LRTM2: variants seen among roughly 807,000 people sequenced by gnomAD.
The protein encoded by LRTM2 is leucine rich repeat transmembrane protein 2, also known as leucine-rich repeat and transmembrane domain-containing protein 2.
A neutral mutation model predicts 28.1 loss-of-function variants in LRTM2; 18 were observed. The observed-to-expected ratio is 0.64, with a 90% CI of 0.44 to 0.95. The LOEUF (loss-of-function observed/expected upper bound fraction) is 0.95, where lower values mean the gene tolerates loss of function less well. LRTM2 is among the 40% of genes least tolerant of loss of function. LRTM2 has a pLI of 0.00. For synonymous variants in LRTM2, 250 were observed against 218.7 expected (o/e 1.14, Z -1.26); for missense variants, 436 against 497.2 (o/e 0.88, Z 1.17).
At position 1,834,305 on chromosome 12, in the gene LRTM2, G is replaced by A; in HGVS notation, c.697G>A (p.Glu233Lys). 1.2e-6 allele frequency: 2 copies of A among 1,604,986 alleles called. No homozygotes were observed. The highest frequency in any genetic ancestry group is 1.7e-6 in the Non-Finnish European group (2 of 1,174,912). The change falls in exon 5 of 5, where the codon GAG becomes AAG. Residue 233 changes from glutamate to lysine, a missense_variant. Transcript: ENST00000299194. The surrounding 1 kb of genome is among the most constrained non-coding windows in gnomAD (Gnocchi z 7.6). ...LDQLACTLPK[E>K]LRGKDMRMVP... is the part of the protein sequence containing the mutation. The stretch of plus-strand genomic sequence containing the variant: ...CCAGCTTGCCTGCACCCTGCCCAAG[G>A]AGCTGAGGGGGAAGGACATGCGGAT...
At chr12:1,825,526 T>G (rs1864277738) in intron 1 of LRTM2, among the ~76,000 whole-genome samples, 1 of 152,214 alleles carries the variant, frequency 6.6e-6, no homozygotes, top group South Asian at 2.1e-4. Flanking sequence ...ATTTGGGAAC[T>G]TAGAGGCATC....
chr12:1,822,717 T>A (rs924495996), intron 1 of LRTM2, among the ~76,000 whole-genome samples: 2 of 152,226 alleles, frequency 1.3e-5, no homozygotes, highest in Admixed American at 1.3e-4. Context: ...TAGAGATTTT[T>A]AAAACCTGGT....
chr12:1,831,124 G>T lies in LRTM2; in HGVS notation c.257G>T (p.Trp86Leu), dbSNP rs1186725182. The T allele has an allele frequency of 6.2e-7, 1 of 1,613,972 alleles. No individual in the cohort carries two copies. The highest frequency in any genetic ancestry group is 1.1e-5 in the South Asian group (1 of 91,088). The stretch of plus-strand genomic sequence containing the variant: ...AATAAGCTGAGTGCCCTGCCAAGCT[G>T]GGCTTTCGCCAACCTCTCCAGCCTG... ...LNNKLSALPS[W>L]AFANLSSLQR... The change falls in exon 4 of 5, where the codon TGG becomes TTG. Residue 86 changes from tryptophan to leucine, a missense_variant. Transcript: ENST00000299194.
chr12:1,829,665 C>T lies in LRTM2; in HGVS notation c.68-1270C>T, dbSNP rs1393744457. Among the ~76,000 whole-genome samples, 1 of 150,786 alleles carries T rather than the reference C, an allele frequency of 6.6e-6. No individual in the cohort carries two copies. The highest frequency in any genetic ancestry group is 2.0e-4 in the East Asian group (1 of 5,042). The stretch of plus-strand genomic sequence containing the variant: ...GACCCCTACTGGACAAGACTCAAGG[C>T]TGTTCAGACCCAGCTCACAGCCCAT... On this transcript the variant is annotated intron_variant, in intron 3 of 4. Coordinates refer to ENST00000299194, the MANE Select transcript of LRTM2 (RefSeq NM_001039029.3). This position sits in a 1 kb window ranked among gnomAD's most constrained non-coding sequence, Gnocchi z 4.2.
chr12:1,823,385 C>T (rs1400875461), intron 1 of LRTM2: 1 of 152,228 alleles, frequency 6.6e-6, no homozygotes, highest in Non-Finnish European at 1.5e-5. Context: ...CTCCTGCCGT[C>T]CCAACCTAGC....
Position 1,835,310 on chromosome 12 carries a change from A to G in LRTM2, c.*589A>G, listed in dbSNP as rs1477136336. The G allele has an allele frequency of 1.3e-5, 2 of 153,470 alleles. No individual in the cohort carries two copies. The highest frequency in any genetic ancestry group is 2.9e-5 in the Non-Finnish European group (2 of 68,986). The allele number at this position is 153,470 out of a possible 1,614,324, so 9.5% of individuals were successfully genotyped here. A position where few individuals can be genotyped will look rare whatever the true frequency, so the allele number is the denominator to read the frequency against. ...ACACCATACACCCCTGGCCGACGCC[A>G]TCATGCCCCTGGATCTGCTATAGGC... is the stretch of plus-strand genomic sequence containing the variant. On this transcript the variant is annotated 3_prime_UTR_variant, in exon 5 of 5. Transcript: ENST00000299194.
At chr12:1,823,157 G>A (rs1426384255) in intron 1 of LRTM2, 1 of 152,604 alleles carries the variant, frequency 6.6e-6, no homozygotes, top group African/African-American at 2.4e-5. Flanking sequence ...TGGCCCAGGA[G>A]TCAGGAATTC....
At chr12:1,831,569 T>C in intron 4 of LRTM2, 44 bp downstream of exon 4, 1 of 1,511,874 alleles carries the variant, frequency 6.6e-7, no homozygotes, top group Non-Finnish European at 9.1e-7. Flanking sequence ...ATTGGGACGA[T>C]CACCTCTGGC....
intron 1 of LRTM2, among the ~76,000 whole-genome samples, chr12:1,825,322 G>A (rs1370489845): frequency 6.6e-6 from 1 of 152,214 alleles, no homozygotes; most frequent in Non-Finnish European, 1.5e-5. Context: ...AGCTTGGGTG[G>A]GAGGGCTTCT....
Position 1,828,241 on chromosome 12 carries a change from G to T in LRTM2, c.67+26G>T. The stretch of plus-strand genomic sequence containing the variant: ...GTGAGTACACCCCTGGCCTCGGAGG[G>T]GGGTGCGGGTTGGGTGGGGGTGCCG... On this transcript the variant is annotated intron_variant, in intron 3 of 4. Transcript: ENST00000299194. The surrounding 1 kb of genome is among the most constrained non-coding windows in gnomAD (Gnocchi z 4.2). 3.3e-6 allele frequency: 5 copies of T among 1,531,368 alleles called. No individual in the cohort carries two copies. The South Asian group carries it at 3.7e-5, about 11-fold the overall frequency. The allele number at this position is 1,531,368 out of a possible 1,614,324, so 94.9% of individuals were successfully genotyped here.
chr12:1,824,345 C>T (rs375425431), intron 1 of LRTM2, among the ~76,000 whole-genome samples: 4 of 152,228 alleles, frequency 2.6e-5, no homozygotes, highest in East Asian at 3.8e-4. Context: ...CCAAGCTAGA[C>T]CAATGCCGCT....
chr12:1,824,490 G>A (rs968844335), intron 1 of LRTM2, among the ~76,000 whole-genome samples: 4 of 152,124 alleles, frequency 2.6e-5, no homozygotes, highest in African/African-American at 9.7e-5. Flanking sequence ...TGGAAGGGAG[G>A]CCAGGGACTC....
chr12:1,826,735 C>T (rs530808556), intron 1 of LRTM2, among the ~76,000 whole-genome samples: 1 of 152,232 alleles, frequency 6.6e-6, no homozygotes, highest in African/African-American at 2.4e-5. Flanking sequence ...CCTGTTCTAA[C>T]TGAGCACTGC....
intron 1 of LRTM2, chr12:1,823,423 T>G (rs1353379674): frequency 7.1e-6 from 1 of 141,382 alleles, no homozygotes; most frequent in African/African-American, 2.9e-5. Flanking sequence ...TGCGTGCGGC[T>G]GTTCCGTGCT....
rs996954850 is a variant in LRTM2, at chr12:1,831,121, G to A, written c.254G>A (p.Ser85Asn). 4 of 1,613,980 alleles carry A rather than the reference G, an allele frequency of 2.5e-6. No individual in the cohort carries two copies. The highest frequency in any genetic ancestry group is 2.2e-5 in the East Asian group (1 of 44,880). The change falls in exon 4 of 5, where the codon AGC becomes AAC. Residue 85 changes from serine (S) to asparagine (N), a missense_variant. Coordinates refer to ENST00000299194, the MANE Select transcript of LRTM2 (RefSeq NM_001039029.3). The part of the protein sequence containing the change: ...LLNNKLSALP[S>N]WAFANLSSLQ... ...AACAATAAGCTGAGTGCCCTGCCAA[G>A]CTGGGCTTTCGCCAACCTCTCCAGC...
intron 1 of LRTM2, among the ~76,000 whole-genome samples, chr12:1,822,662 T>C (rs971376036): frequency 6.6e-6 from 1 of 152,208 alleles, no homozygotes; most frequent in African/African-American, 2.4e-5. Context: ...GGGCATGTGT[T>C]TTAAAATGAA....
chr12:1,827,857 C>G (rs73046076), intron 2 of LRTM2: 1 of 367,812 alleles, frequency 2.7e-6, no homozygotes, highest in African/African-American at 2.1e-5. Flanking sequence ...GCACTGTGCC[C>G]GACCCTCGGG....
chr12:1,828,243 G>C lies in LRTM2; in HGVS notation c.67+28G>C, dbSNP rs1487281757. 11 of 1,527,574 alleles carry C rather than the reference G, an allele frequency of 7.2e-6. No individual in the cohort carries two copies. The highest frequency in any genetic ancestry group is 9.7e-6 in the Non-Finnish European group (11 of 1,134,558). 94.6% of individuals were successfully genotyped at this position (1,527,574 alleles called of 1,614,324 possible). ...GAGTACACCCCTGGCCTCGGAGGGGGGTGCGGGTTGGGTGGGGGTGCCGAG... is the reference window on the plus strand; with the variant it reads ...GAGTACACCCCTGGCCTCGGAGGGGCGTGCGGGTTGGGTGGGGGTGCCGAG... On this transcript the variant is annotated intron_variant, in intron 3 of 4. Coordinates refer to ENST00000299194, the MANE Select transcript of LRTM2 (RefSeq NM_001039029.3). The surrounding 1 kb of genome is among the most constrained non-coding windows in gnomAD (Gnocchi z 4.2).
chr12:1,832,225 G>A (rs1021479272), intron 4 of LRTM2, among the ~76,000 whole-genome samples: 10 of 152,158 alleles, frequency 6.6e-5, no homozygotes, highest in African/African-American at 2.2e-4. Context: ...TCTGAATTTC[G>A]GCTCTGCCAC....
Sources: gnomAD v4.1 joint callset for allele counts (sites outside exome capture counted in the v4.1 genomes callset) on GRCh38, gnomAD v4.1.1 for gene constraint, Gnocchi (gnomAD v3.1) non-coding constraint, MANE v1.5 for transcripts, NCBI Gene and HGNC (gene_info 2026-07-23, HGNC 2026-07-21) for gene names.